The following GRIA1 variants were observed in gnomAD, a reference collection of about 807,000 sequenced individuals.
GRIA1 encodes glutamate ionotropic receptor AMPA type subunit 1, also known as glutamate receptor 1.
Under a neutral mutation model 99.2 loss-of-function variants are expected in GRIA1, and 31 were observed. That is an observed-to-expected ratio of 0.31 (90% CI 0.23 to 0.42). The LOEUF (loss-of-function observed/expected upper bound fraction) is 0.42. Ranked by LOEUF, GRIA1 falls within the 10% of genes least tolerant of loss-of-function variation. The probability of loss-of-function intolerance (pLI) is 1.00; values close to 1 mark genes in which losing one functional copy is unlikely to be tolerated. For missense variants in GRIA1, 782 were observed against 1,157.5 expected (o/e 0.68, Z 4.71); for synonymous variants, 438 against 432.4 (o/e 1.01, Z -0.16).
intron 11 of GRIA1, among the ~76,000 whole-genome samples, chr5:153,742,733 C>T (rs1761893129): frequency 6.6e-6 from 1 of 152,184 alleles, no homozygotes; most frequent in African/African-American, 2.4e-5. Context: ...GAAGATCAAC[C>T]TTCTCTCATG....
intron 2 of GRIA1, among the ~76,000 whole-genome samples, chr5:153,619,361 C>T (rs762554310): frequency 3.9e-5 from 6 of 152,046 alleles, no homozygotes; most frequent in Admixed American, 2.0e-4. Flanking sequence ...CCAGTCATTT[C>T]GAGTTGAGAA....
intron 3 of GRIA1, 104 bp downstream of exon 3, chr5:153,647,271 T>G: frequency 7.5e-7 from 1 of 1,336,470 alleles, no homozygotes; most frequent in Non-Finnish European, 1.0e-6. Context: ...TATGGGAAAA[T>G]TATCCAAAAT....
chr5:153,736,835 C>G (rs1581568301), intron 11 of GRIA1, among the ~76,000 whole-genome samples: 1 of 152,288 alleles, frequency 6.6e-6, no homozygotes, highest in Non-Finnish European at 1.5e-5. Flanking sequence ...CAAACTCCAT[C>G]TCTCCTTCCA....
rs1017401386 is a variant in GRIA1 at position 153,653,313 on chromosome 5, G to A, written c.646-2506G>A. On this transcript the variant is annotated intron_variant, in intron 4 of 15. Coordinates refer to ENST00000285900, the MANE Select transcript of GRIA1 (RefSeq NM_000827.4). Reference sequence around the variant, plus strand: ...AAAGGCATGTCAGGAGGCCCAGAGGGCATGTGAGGGCTGGGTTTCATACTG... The same window carrying A: ...AAAGGCATGTCAGGAGGCCCAGAGGACATGTGAGGGCTGGGTTTCATACTG... Among the ~76,000 whole-genome samples the A allele has an allele frequency of 2.6e-5, 4 of 152,182 alleles. 1 individual carries two copies. The highest frequency in any genetic ancestry group is 7.2e-5 in the African/African-American group (3 of 41,450).
At chr5:153,524,764 C>T (rs475583) in intron 2 of GRIA1, among the ~76,000 whole-genome samples, 1 of 152,074 alleles carries the variant, frequency 6.6e-6, no homozygotes, top group Non-Finnish European at 1.5e-5. Flanking sequence ...TTTGTACCTT[C>T]TTGGCCAACA....
At chr5:153,676,428 A>AG (rs756851385) in intron 6 of GRIA1, among the ~76,000 whole-genome samples, 17 of 152,232 alleles carry the variant, frequency 1.1e-4, no homozygotes, top group Non-Finnish European at 2.2e-4. Context: ...AGAAAGAATG[A>AG]GGGGAAAGTT....
At chr5:153,568,989 C>A (rs1481966293) in intron 2 of GRIA1, among the ~76,000 whole-genome samples, 2 of 144,874 alleles carry the variant, frequency 1.4e-5, no homozygotes, top group African/African-American at 5.4e-5. Flanking sequence ...AATCCCACTT[C>A]CATCAGTGAT....
At chr5:153,616,675 C>A (rs181025813) in intron 2 of GRIA1, among the ~76,000 whole-genome samples, 1 of 152,038 alleles carries the variant, frequency 6.6e-6, no homozygotes, top group Non-Finnish European at 1.5e-5. Flanking sequence ...AAGTGTGGAA[C>A]GAATGAATTT....
chr5:153,707,922 T>A (rs549165610), intron 11 of GRIA1, among the ~76,000 whole-genome samples: 122 of 152,238 alleles, frequency 8.0e-4, no homozygotes, highest in Non-Finnish European at 1.1e-3. Flanking sequence ...GGGAAGGGCT[T>A]GCTTAAAAAT....
chr5:153,660,549 G>C (rs2149470434), intron 5 of GRIA1, among the ~76,000 whole-genome samples: 1 of 152,264 alleles, frequency 6.6e-6, no homozygotes, highest in Non-Finnish European at 1.5e-5. Flanking sequence ...AGGAAAGAGA[G>C]GGGGTTGTCC....
At chr5:153,491,181 G>T in intron 1 of GRIA1, 1 of 1,101,528 alleles carries the variant, frequency 9.1e-7, no homozygotes, top group Non-Finnish European at 1.3e-6. Context: ...GTTCACACAC[G>T]CACACATACC....
intron 13 of GRIA1, among the ~76,000 whole-genome samples, chr5:153,791,534 T>C (rs1367458059): frequency 2.0e-5 from 3 of 152,142 alleles, no homozygotes; most frequent in African/African-American, 7.2e-5. Context: ...GTACCCCACC[T>C]GCACTCAGCG....
intron 1 of GRIA1, 185 bp downstream of exon 1, chr5:153,491,155 G>C (rs900091279): frequency 9.3e-6 from 9 of 971,672 alleles, no homozygotes; most frequent in Non-Finnish European, 1.2e-5. Context: ...GATCGGATGA[G>C]GGGCAGAGGG....
At chr5:153,727,521 A>G (rs1027564099) in intron 11 of GRIA1, among the ~76,000 whole-genome samples, 1 of 152,238 alleles carries the variant, frequency 6.6e-6, no homozygotes, top group Non-Finnish European at 1.5e-5. Flanking sequence ...TTAAGATGAT[A>G]AGCAACTTCA....
chr5:153,808,906 C>T (rs1766620995), intron 15 of GRIA1, among the ~76,000 whole-genome samples: 2 of 152,222 alleles, frequency 1.3e-5, no homozygotes, highest in Non-Finnish European at 2.9e-5. Flanking sequence ...AGTTACATGC[C>T]TGGCTAAATT....
At chr5:153,630,907 G>A (rs977861373) in intron 2 of GRIA1, among the ~76,000 whole-genome samples, 1 of 152,154 alleles carries the variant, frequency 6.6e-6, no homozygotes, top group African/African-American at 2.4e-5. Context: ...ACCTATGGAG[G>A]AAATCAGAAC....
intron 11 of GRIA1, among the ~76,000 whole-genome samples, chr5:153,743,800 A>G (rs1297638233): frequency 1.3e-5 from 2 of 152,256 alleles, no homozygotes; most frequent in Non-Finnish European, 2.9e-5. Flanking sequence ...TAACATAATC[A>G]TAGCAGTAAC....
chr5:153,758,088 G>T (rs1260906676), intron 11 of GRIA1, among the ~76,000 whole-genome samples: 2 of 151,992 alleles, frequency 1.3e-5, no homozygotes, highest in African/African-American at 4.8e-5. Context: ...GAAAATAAAA[G>T]CATACTACTA....
At chr5:153,727,005 G>A (rs1438476640) in intron 11 of GRIA1, among the ~76,000 whole-genome samples, 1 of 152,128 alleles carries the variant, frequency 6.6e-6, no homozygotes, top group African/African-American at 2.4e-5. Flanking sequence ...TTGGCAAACT[G>A]AATCCAGCAG....
Sources: gnomAD v4.1 joint callset for allele counts (sites outside exome capture counted in the v4.1 genomes callset) on GRCh38, gnomAD v4.1.1 for gene constraint, MANE v1.5 for transcripts, NCBI Gene and HGNC (gene_info 2026-07-23, HGNC 2026-07-21) for gene names.